The following UBE3A variants were observed in gnomAD, a reference collection of about 807,000 sequenced individuals.
UBE3A encodes ubiquitin protein ligase E3A, also known as ubiquitin-protein ligase E3A.
In UBE3A, 6 loss-of-function variants were observed where a neutral mutation model predicts 83.4. That is an observed-to-expected ratio of 0.07 (90% CI 0.04 to 0.14). The LOEUF is 0.14. Ranked by LOEUF, UBE3A falls within the 10% of genes least tolerant of loss-of-function variation. UBE3A has a pLI of 1.00. For missense variants in UBE3A, 456 were observed against 1,036.1 expected (o/e 0.44, Z 7.69); for synonymous variants, 337 against 355.4 (o/e 0.95, Z 0.58).
intron 1 of UBE3A, among the ~76,000 whole-genome samples, chr15:25,416,097 G>A (rs1156558966): frequency 6.6e-6 from 1 of 151,952 alleles, no homozygotes; most frequent in African/African-American, 2.4e-5. Flanking sequence ...AAATCGGCAT[G>A]CCTTTAAAAA....
intron 4 of UBE3A, among the ~76,000 whole-genome samples, chr15:25,383,563 C>G (rs1488596700): frequency 6.6e-6 from 1 of 151,986 alleles, no homozygotes; most frequent in Non-Finnish European, 1.5e-5. Flanking sequence ...CTTGAGAACC[C>G]GGGAGGCGGA....
chr15:25,396,564 A>G (rs1362071540), intron 4 of UBE3A, among the ~76,000 whole-genome samples: 2 of 152,218 alleles, frequency 1.3e-5, no homozygotes, highest in African/African-American at 2.4e-5. Context: ...TCAAAGTTGT[A>G]GTGAGCTCTG....
chr15:25,419,024 A>C (rs191237912), intron 1 of UBE3A: 1 of 152,316 alleles, frequency 6.6e-6, no homozygotes, highest in East Asian at 1.9e-4. Flanking sequence ...TACCAAATAC[A>C]ATGTAATGCT....
intron 5 of UBE3A, chr15:25,374,744 GGT>G (rs1214357184): frequency 6.6e-6 from 1 of 152,124 alleles, no homozygotes; most frequent in Non-Finnish European, 1.5e-5. Context: ...ATTGCCTCTG[GGT>G]GTGTGTAGGG....
At chr15:25,345,270 T>G (rs778775542) in intron 11 of UBE3A, among the ~76,000 whole-genome samples, 1 of 152,114 alleles carries the variant, frequency 6.6e-6, no homozygotes, top group Non-Finnish European at 1.5e-5. Flanking sequence ...GGGATCATGA[T>G]GTAGTAAGCT....
chr15:25,409,258 A>C, intron 2 of UBE3A, 51 bp from the exon 3 acceptor site: 1 of 543,996 alleles, frequency 1.8e-6, no homozygotes, highest in Non-Finnish European at 3.2e-6. Context: ...TATAAACCCA[A>C]TTCATTGTTC....
intron 4 of UBE3A, chr15:25,391,925 A>T (rs1243600557): frequency 1.3e-5 from 2 of 152,264 alleles, no homozygotes; most frequent in Non-Finnish European, 1.5e-5. Flanking sequence ...CTTGCTAGGG[A>T]CTGAGGGGTT....
At chr15:25,398,245 A>G (rs1473070118) in intron 4 of UBE3A, among the ~76,000 whole-genome samples, 1 of 152,038 alleles carries the variant, frequency 6.6e-6, no homozygotes, top group Non-Finnish European at 1.5e-5. Flanking sequence ...GATGTTCCAA[A>G]ATATGTATAC....
At position 25,338,914 on chromosome 15, in the gene UBE3A, T is replaced by C. The variant is rs921490982; in HGVS notation, c.*223A>G. On this transcript the variant is annotated 3_prime_UTR_variant, in exon 13 of 13. Transcript: ENST00000648336. ...AATAATTATAATAATAATAAAGGAT[T>C]TGTTCATATATGTAGCTGAAATCTG... 3.7e-6 allele frequency: 1 copy of C among 268,276 alleles called. No individual in the cohort carries two copies. The highest frequency in any genetic ancestry group is 6.9e-5 in the East Asian group (1 of 14,588). 16.6% of individuals were successfully genotyped at this position (268,276 alleles called of 1,614,324 possible).
chr15:25,387,804 T>G (rs1463543627), intron 4 of UBE3A, among the ~76,000 whole-genome samples: 2 of 152,258 alleles, frequency 1.3e-5, no homozygotes, highest in African/African-American at 4.8e-5. Context: ...ACAGATCTCA[T>G]GGACATTAAA....
intron 4 of UBE3A, among the ~76,000 whole-genome samples, chr15:25,383,073 C>A (rs937588961): frequency 6.6e-6 from 1 of 152,008 alleles, no homozygotes; most frequent in African/African-American, 2.4e-5. Context: ...GTAAGCATTA[C>A]TTAGATATCG....
chr15:25,422,257 C>T lies in UBE3A; in HGVS notation c.-164-10286G>A, dbSNP rs77387634. Among the ~76,000 whole-genome samples the T allele has an allele frequency of 5.7e-3, 864 of 152,182 alleles. 6 individuals are homozygous for T. The highest frequency in any genetic ancestry group is 0.01 in the Non-Finnish European group (710 of 68,014). On this transcript the variant is annotated intron_variant, in intron 1 of 12. Transcript: ENST00000648336. ...AACTAATAAACAGATCAGTGGTTGC[C>T]TGGGGCCAAGAGGGAGAAATGACTA...
chr15:25,344,890 C>T (rs550093800), intron 11 of UBE3A, among the ~76,000 whole-genome samples: 2 of 151,890 alleles, frequency 1.3e-5, no homozygotes, highest in Non-Finnish European at 2.9e-5. Flanking sequence ...CTGATAAATA[C>T]GAAAATCAGG....
chr15:25,343,367 AAGAC>A (rs2075180923), intron 11 of UBE3A, among the ~76,000 whole-genome samples: 1 of 152,232 alleles, frequency 6.6e-6, no homozygotes, highest in Admixed American at 6.5e-5. Context: ...AGCAGCAGAC[AAGAC>A]AGACCACCAG....
At chr15:25,363,612 G>GA (rs1448745462) in intron 6 of UBE3A, among the ~76,000 whole-genome samples, 2 of 152,060 alleles carry the variant, frequency 1.3e-5, no homozygotes, top group African/African-American at 4.8e-5. Context: ...ACTAATCCAG[G>GA]AAACAAGCTC....
At chr15:25,375,317 T>C in intron 5 of UBE3A, 148 bp downstream of exon 5, 1 of 884,738 alleles carries the variant, frequency 1.1e-6, no homozygotes, top group Non-Finnish European at 1.7e-6. Context: ...GTAGTTATTA[T>C]TCCTGTCCGT....
intron 11 of UBE3A, among the ~76,000 whole-genome samples, chr15:25,340,788 CA>C (rs143167958): frequency 0.015 from 2,320 of 152,208 alleles, 22 homozygotes; most frequent in Non-Finnish European, 0.024. Flanking sequence ...AGCAGTAATA[CA>C]AAAGTTCAAT....
At chr15:25,407,387 G>A in intron 3 of UBE3A, 3 of 554,446 alleles carry the variant, frequency 5.4e-6, no homozygotes, top group South Asian at 4.7e-5. Context: ...AAATATTACT[G>A]CAAAAAGGTA....
At chr15:25,427,602 CAAAAAAAAAAAAA>C (rs751567252) in intron 1 of UBE3A, among the ~76,000 whole-genome samples, 18 of 64,182 alleles carry the variant, frequency 2.8e-4, no homozygotes, top group African/African-American at 8.2e-4. Flanking sequence ...CCCATCTCTA[CAAAAAAAAAAAAA>C]AAAAAAAAAA....
Sources: allele counts gnomAD v4.1 joint callset (sites outside exome capture counted in the v4.1 genomes callset), GRCh38; gene constraint gnomAD v4.1.1; transcripts MANE v1.5; gene names NCBI Gene and HGNC (gene_info 2026-07-23, HGNC 2026-07-21).